FBXL17: variants seen among roughly 807,000 people sequenced by gnomAD.
FBXL17 encodes F-box and leucine rich repeat protein 17, also known as F-box/LRR-repeat protein 17.
In FBXL17, 22 loss-of-function variants were observed where a neutral mutation model predicts 66.2. The ratio of observed to expected loss-of-function variants is 0.33; its 90% CI spans 0.24 to 0.47. The LOEUF is 0.47. FBXL17 is among the 20% of genes least tolerant of loss of function. The pLI, the probability that FBXL17 is intolerant of heterozygous loss-of-function variation, is 1.00. For missense variants in FBXL17, 878 were observed against 948.2 expected, an observed-to-expected ratio of 0.93 and a Z score of 0.97; for synonymous variants, 474 against 400.5, an observed-to-expected ratio of 1.18 and a Z score of -2.19.
intron 6 of FBXL17, among the ~76,000 whole-genome samples, chr5:108,049,671 T>C (rs1747396972): frequency 6.6e-6 from 1 of 152,150 alleles, no homozygotes. Context: ...ATGAAGAAAC[T>C]GCATCAACTA....
intron 7 of FBXL17, among the ~76,000 whole-genome samples, chr5:107,963,699 T>C (rs1239347672): frequency 6.6e-6 from 1 of 152,166 alleles, no homozygotes; most frequent in Non-Finnish European, 1.5e-5. Context: ...GTTATTATTA[T>C]CATAATACCT....
At chr5:108,070,804 C>T (rs1357729826) in intron 6 of FBXL17, among the ~76,000 whole-genome samples, 1 of 152,096 alleles carries the variant, frequency 6.6e-6, no homozygotes, top group Non-Finnish European at 1.5e-5. Context: ...AGCATAAAGG[C>T]CCTCTAAAGT....
chr5:108,162,626 A>G (rs1752258590), intron 6 of FBXL17, among the ~76,000 whole-genome samples: 2 of 152,256 alleles, frequency 1.3e-5, no homozygotes, highest in African/African-American at 4.8e-5. Flanking sequence ...AAACAGTGAT[A>G]TGTGAATAAT....
At chr5:108,167,370 G>C (rs561817844) in intron 6 of FBXL17, among the ~76,000 whole-genome samples, 1 of 152,266 alleles carries the variant, frequency 6.6e-6, no homozygotes, top group East Asian at 1.9e-4. Context: ...CATGCTCAAG[G>C]TGCTTTTGAA....
At chr5:108,042,644 C>G (rs1747095319) in intron 6 of FBXL17, among the ~76,000 whole-genome samples, 1 of 152,202 alleles carries the variant, frequency 6.6e-6, no homozygotes, top group Non-Finnish European at 1.5e-5. Context: ...ATACCACATT[C>G]TGTTCACCCA....
intron 4 of FBXL17, among the ~76,000 whole-genome samples, chr5:108,224,678 GC>G (rs1391571366): frequency 2.6e-5 from 4 of 151,988 alleles, no homozygotes; most frequent in Non-Finnish European, 5.9e-5. Flanking sequence ...TGCAACCTCC[GC>G]CTCCCAGGTT....
At chr5:108,206,345 G>T (rs1754117503) in intron 5 of FBXL17, among the ~76,000 whole-genome samples, 1 of 152,100 alleles carries the variant, frequency 6.6e-6, no homozygotes, top group African/African-American at 2.4e-5. Flanking sequence ...TTCCAAAGAT[G>T]ACCAATGCGC....
At chr5:108,042,039 G>C (rs1468541291) in intron 6 of FBXL17, among the ~76,000 whole-genome samples, 1 of 152,096 alleles carries the variant, frequency 6.6e-6, no homozygotes, top group African/African-American at 2.4e-5. Context: ...GGGATTACAG[G>C]CATGTGCCAC....
At chr5:107,873,266 C>T (rs1748514357) in intron 8 of FBXL17, among the ~76,000 whole-genome samples, 1 of 152,198 alleles carries the variant, frequency 6.6e-6, no homozygotes, top group African/African-American at 2.4e-5. Context: ...TTTTACAGTA[C>T]TGTAGCTGCC....
chr5:107,924,721 C>A (rs752290450), intron 7 of FBXL17, among the ~76,000 whole-genome samples: 1 of 152,126 alleles, frequency 6.6e-6, no homozygotes, highest in Non-Finnish European at 1.5e-5. Flanking sequence ...ATCTTAGGAA[C>A]CTTCCTTTTA....
intron 7 of FBXL17, among the ~76,000 whole-genome samples, chr5:107,922,533 T>C (rs527434622): frequency 3.3e-4 from 51 of 152,286 alleles, no homozygotes; most frequent in African/African-American, 1.2e-3. Flanking sequence ...TGAGATATCT[T>C]CAGCAATTGA....
At chr5:108,358,470 A>C (rs1218637467) in intron 3 of FBXL17, among the ~76,000 whole-genome samples, 1 of 151,880 alleles carries the variant, frequency 6.6e-6, no homozygotes, top group Non-Finnish European at 1.5e-5. Flanking sequence ...TCATTCTCTT[A>C]ATGTGGTATA....
intron 6 of FBXL17, among the ~76,000 whole-genome samples, chr5:108,097,515 G>C (rs1270812677): frequency 6.6e-6 from 1 of 152,114 alleles, no homozygotes; most frequent in East Asian, 1.9e-4. Context: ...TTCAGGCTGG[G>C]AGTGGTGGCT....
intron 4 of FBXL17, among the ~76,000 whole-genome samples, chr5:108,240,232 T>A (rs569084979): frequency 6.6e-6 from 1 of 152,218 alleles, no homozygotes; most frequent in South Asian, 2.1e-4. Context: ...AGGCCACAGT[T>A]GGGTAGAGCA....
At chr5:107,901,588 A>T (rs1749568498) in intron 7 of FBXL17, among the ~76,000 whole-genome samples, 1 of 152,156 alleles carries the variant, frequency 6.6e-6, no homozygotes, top group Admixed American at 6.6e-5. Flanking sequence ...ACAGGGACAC[A>T]CTTTGTTTGC....
rs535403118 is a variant in FBXL17, at chr5:107,933,135, T to C, written c.1823-51956A>G. ...GAACGGTACTGAATTTACAGGTTTA[T>C]TCTGAGGATATGCTATAATCTATGC... is the stretch of plus-strand genomic sequence containing the variant. On this transcript the variant is annotated intron_variant, in intron 7 of 8. Coordinates refer to ENST00000542267, the MANE Select transcript of FBXL17 (RefSeq NM_001163315.3). Among the ~76,000 whole-genome samples the C allele has an allele frequency of 1.2e-3, 188 of 152,306 alleles. 1 individual carries two copies. Among genetic ancestry groups the C allele is most frequent in the Non-Finnish European group, 2.3e-3 (158 of 68,020 alleles).
chr5:108,251,972 TACAA>T lies in FBXL17; in HGVS notation c.1507-27748_1507-27745del, dbSNP rs60305549. ...TATCAATTCTCTTATGTATTTTTAT[TACAA>T]ACAATGATATAATGAACATTCTTGA... On this transcript the variant is annotated intron_variant, in intron 4 of 8. Coordinates refer to ENST00000542267, the MANE Select transcript of FBXL17 (RefSeq NM_001163315.3). 1.7e-3 allele frequency among the ~76,000 whole-genome samples: 262 copies of T among 152,220 alleles called. 1 individual carries two copies. The highest frequency in any genetic ancestry group is 5.4e-3 in the African/African-American group (225 of 41,574).
chr5:107,931,228 C>T lies in FBXL17; in HGVS notation c.1823-50049G>A, dbSNP rs1342730873. Among the ~76,000 whole-genome samples the T allele has an allele frequency of 2.0e-5, 3 of 151,076 alleles. No individual in the cohort carries two copies. In the East Asian group the frequency reaches 5.8e-4, roughly 29 times the overall value. ...ACATAAGAAGTCAAAACCTCTTCAGCATTTTTATTGCTGTTCATGTTAAAG... is the reference window on the plus strand; with the variant it reads ...ACATAAGAAGTCAAAACCTCTTCAGTATTTTTATTGCTGTTCATGTTAAAG... On this transcript the variant is annotated intron_variant, in intron 7 of 8. Coordinates refer to ENST00000542267, the MANE Select transcript of FBXL17 (RefSeq NM_001163315.3).
intron 8 of FBXL17, chr5:107,878,758 T>C (rs1013883041): frequency 1.0e-6 from 1 of 985,352 alleles, no homozygotes; most frequent in African/African-American, 1.7e-5. Flanking sequence ...TTGTGCTTTG[T>C]GTGTGGTTTG....
Sources: allele counts gnomAD v4.1 joint callset (sites outside exome capture counted in the v4.1 genomes callset), GRCh38; gene constraint gnomAD v4.1.1; transcripts MANE v1.5; gene names NCBI Gene and HGNC (gene_info 2026-07-23, HGNC 2026-07-21).